The following CPLANE1 variants were observed in gnomAD, a reference collection of about 807,000 sequenced individuals.
CPLANE1 encodes the protein ciliogenesis and planar polarity effector complex subunit 1.
A neutral mutation model predicts 362.5 loss-of-function variants in CPLANE1; 263 were observed. The ratio of observed to expected loss-of-function variants is 0.73; its 90% CI spans 0.66 to 0.80. The LOEUF (loss-of-function observed/expected upper bound fraction) is 0.80. Ranked by LOEUF, CPLANE1 falls within the 30% of genes least tolerant of loss-of-function variation. The pLI is 0.00. For missense variants in CPLANE1, 3,461 were observed against 3,793.4 expected (o/e 0.91, Z 2.30); for synonymous variants, 1,212 against 1,302.6 (o/e 0.93, Z 1.50).
At chr5:37,231,794 A>C (rs779944446) in intron 8 of CPLANE1, among the ~76,000 whole-genome samples, 2 of 151,892 alleles carry the variant, frequency 1.3e-5, no homozygotes, top group African/African-American at 2.4e-5. Context: ...TTATTTTTTA[A>C]AATTTTATAT....
rs146247019 is a variant in CPLANE1, at chr5:37,232,919, T to G, written c.939-1870A>C. On this transcript the variant is annotated intron_variant, in intron 8 of 52. Coordinates refer to ENST00000651892, the MANE Select transcript of CPLANE1 (RefSeq NM_001384732.1). ...ACACAGGTAGCATGTAACTCCTCCATGGAGAGGAACCATGGACTGTCCACT... is the reference window on the plus strand; with the variant it reads ...ACACAGGTAGCATGTAACTCCTCCAGGGAGAGGAACCATGGACTGTCCACT... 2.0e-3 allele frequency among the ~76,000 whole-genome samples: 305 copies of G among 150,184 alleles called. 2 individuals are homozygous for G. Among genetic ancestry groups the G allele is most frequent in the Non-Finnish European group, 3.1e-3 (213 of 67,744 alleles).
intron 20 of CPLANE1, among the ~76,000 whole-genome samples, chr5:37,196,533 G>A (rs1043879600): frequency 6.6e-6 from 1 of 152,054 alleles, no homozygotes; most frequent in South Asian, 2.1e-4. Flanking sequence ...GGTGTGACAC[G>A]ATCCAAACTC....
intron 46 of CPLANE1, among the ~76,000 whole-genome samples, chr5:37,127,828 AATTTATTT>A (rs978433854): frequency 5.9e-5 from 9 of 151,736 alleles, no homozygotes; most frequent in African/African-American, 1.7e-4. Flanking sequence ...TATTTAATTA[AATTTATTT>A]ATTTATTTAT....
chr5:37,105,921 T>A (rs923566729), downstream of CPLANE1, among the ~76,000 whole-genome samples: 5 of 152,108 alleles, frequency 3.3e-5, no homozygotes, highest in Non-Finnish European at 7.4e-5. Flanking sequence ...TGCTCAATAT[T>A]ACTAATCATC....
chr5:37,244,096 C>A (rs1218243425), intron 5 of CPLANE1, among the ~76,000 whole-genome samples: 1 of 151,880 alleles, frequency 6.6e-6, no homozygotes, highest in East Asian at 1.9e-4. Flanking sequence ...GTGATCCACC[C>A]GCCTCAGCCT....
intron 44 of CPLANE1, chr5:37,141,118 A>C: frequency 2.0e-6 from 2 of 985,278 alleles, no homozygotes; most frequent in Non-Finnish European, 2.4e-6. Flanking sequence ...TTTCTTTCCC[A>C]CAACACTAGC....
At position 37,173,825 on chromosome 5, in the gene CPLANE1, G is replaced by A. The variant is rs145854343; in HGVS notation, c.6101C>T (p.Thr2034Met). 24 of 1,614,136 alleles carry A rather than the reference G, an allele frequency of 1.5e-5. No homozygotes were observed. The African/African-American group carries it at 1.6e-4, about 11-fold the overall frequency. Residue 2034 changes from threonine (T) to methionine (M), a missense_variant, in exon 32 of 53, where the codon ACG (threonine) becomes ATG (methionine). This residue lies in a region of CPLANE1 where 3,380 missense variants were observed against 3,666.1 expected (regional missense o/e 0.92). Coordinates refer to ENST00000651892, the MANE Select transcript of CPLANE1 (RefSeq NM_001384732.1). Reference protein sequence around the residue: ...TPQKTQRNEFTAQLPDCSESV... With the variant: ...TPQKTQRNEFMAQLPDCSESV... ...CTCCGAACAATCTGGTAACTGAGCC[G>A]TGAATTCATTTCTCTGGGTCTTCTG...
intron 26 of CPLANE1, among the ~76,000 whole-genome samples, chr5:37,181,750 G>C (rs1226440620): frequency 1.3e-5 from 2 of 152,152 alleles, no homozygotes; most frequent in African/African-American, 4.8e-5. Flanking sequence ...AGGAGGTCAA[G>C]GCTACAGACA....
At chr5:37,127,194 G>A (rs1393817258) in intron 46 of CPLANE1, among the ~76,000 whole-genome samples, 3 of 152,168 alleles carry the variant, frequency 2.0e-5, no homozygotes, top group Non-Finnish European at 4.4e-5. Flanking sequence ...CTCCTGTTAG[G>A]ATAAATTATA....
intron 2 of CPLANE1, 77 bp downstream of exon 2, chr5:37,247,541 G>A: frequency 8.0e-7 from 1 of 1,252,500 alleles, no homozygotes; most frequent in Non-Finnish European, 1.1e-6. Flanking sequence ...TAAGATCATA[G>A]AACACTCCTA....
At chr5:37,171,784 C>A (rs1335589316) in intron 32 of CPLANE1, among the ~76,000 whole-genome samples, 1 of 123,796 alleles carries the variant, frequency 8.1e-6, no homozygotes, top group African/African-American at 3.3e-5. Flanking sequence ...CTCTCTCTCT[C>A]TATCTATCTA....
intron 51 of CPLANE1, among the ~76,000 whole-genome samples, chr5:37,113,882 G>T (rs898498226): frequency 6.6e-6 from 1 of 151,982 alleles, no homozygotes; most frequent in African/African-American, 2.4e-5. Context: ...GTGCAATTTC[G>T]GCTCACTGCA....
chr5:37,179,524 AC>A, intron 28 of CPLANE1, 81 bp from the exon 29 acceptor site: 1 of 842,298 alleles, frequency 1.2e-6, no homozygotes, highest in Non-Finnish European at 2.0e-6. Flanking sequence ...AGGGAATATT[AC>A]CAGAAACAAT....
chr5:37,177,813 A>G, intron 29 of CPLANE1, 113 bp from the exon 30 acceptor site: 1 of 766,930 alleles, frequency 1.3e-6, no homozygotes. Flanking sequence ...ACAGTCTACA[A>G]GCAAGTGAGA....
chr5:37,154,459 CTTTTTTT>C (rs35522666), intron 41 of CPLANE1, among the ~76,000 whole-genome samples: 33 of 84,578 alleles, frequency 3.9e-4, no homozygotes, highest in African/African-American at 1.5e-3. Flanking sequence ...TGCAATAGTT[CTTTTTTT>C]TTTTTTTTTT....
chr5:37,179,418 A>G lies in CPLANE1; in HGVS notation c.5763T>C (p.Gly1921=). 6.2e-7 allele frequency: 1 copy of G among 1,613,244 alleles called. No individual in the cohort carries two copies. Among genetic ancestry groups the G allele is most frequent in the Non-Finnish European group, 8.5e-7 (1 of 1,179,442 alleles). Residue 1921 remains glycine, a synonymous_variant, in exon 29 of 53, where the codon GGT becomes GGC. Transcript: ENST00000651892. ...AAATGGCAAGACTGGGACTTCTGAA[A>G]CCTCCAACAGATTCTTCAATGTCTT... The part of the protein sequence containing the change: ...YEEDIEESVG[G]FRSPSLAICM...
At chr5:37,239,605 A>G (rs1046155105) in intron 7 of CPLANE1, 108 bp downstream of exon 7, 1 of 777,486 alleles carries the variant, frequency 1.3e-6, no homozygotes, top group Non-Finnish European at 1.8e-6. Flanking sequence ...AAAAAACCAG[A>G]AAGAAAAAAA....
the CPLANE1 span, chr5:37,085,290 A>G: frequency 1.0e-6 from 1 of 1,001,868 alleles, no homozygotes; most frequent in South Asian, 1.3e-5. Context: ...ACGAACTGAT[A>G]TAACCTACCC....
Position 37,179,135 on chromosome 5 carries a change from T to C in CPLANE1, c.5820+226A>G, listed in dbSNP as rs769710011. ...ATAAATTTGCTAAAGCAGTTTATGA[T>C]GTGAAAACTTCATTGCCTGAAATTA... On this transcript the variant is annotated intron_variant, in intron 29 of 52. Transcript: ENST00000651892. Among the ~76,000 whole-genome samples the C allele has an allele frequency of 1.8e-4, 27 of 152,238 alleles. 1 individual carries two copies. Among genetic ancestry groups the C allele is most frequent in the Non-Finnish European group, 4.4e-5 (3 of 68,038 alleles).
Sources: gnomAD v4.1 joint callset for allele counts (sites outside exome capture counted in the v4.1 genomes callset) on GRCh38, gnomAD v4.1.1 for gene constraint, gnomAD v4.1.1 regional missense constraint, MANE v1.5 for transcripts, NCBI Gene and HGNC (gene_info 2026-07-23, HGNC 2026-07-21) for gene names.